CCDC141: variants seen among roughly 807,000 people sequenced by gnomAD.
The protein encoded by CCDC141 is coiled-coil domain-containing protein 141.
A neutral mutation model predicts 181.0 loss-of-function variants in CCDC141; 168 were observed. The observed-to-expected ratio is 0.93, with a 90% confidence interval of 0.82 to 1.05. The LOEUF is 1.05. CCDC141 is among the 50% of genes least tolerant of loss of function. The pLI, the probability that CCDC141 is intolerant of heterozygous loss-of-function variation, is 0.00. For synonymous variants in CCDC141, 666 were observed against 642.3 expected (o/e 1.04, Z -0.56); for missense variants, 1,902 against 1,788.5 (o/e 1.06, Z -1.14).
intron 2 of CCDC141, among the ~76,000 whole-genome samples, chr2:179,008,655 C>T (rs1049172857): frequency 5.9e-5 from 9 of 152,122 alleles, no homozygotes; most frequent in South Asian, 2.1e-4. Flanking sequence ...CATACAACCA[C>T]GTTTTGGAAG....
At chr2:178,959,153 G>C (rs1253010230) in intron 5 of CCDC141, among the ~76,000 whole-genome samples, 2 of 146,022 alleles carry the variant, frequency 1.4e-5, no homozygotes, top group African/African-American at 5.0e-5. Flanking sequence ...TGGGGTGGGG[G>C]AAGGGGGGAG....
At chr2:178,902,827 A>G (rs71423587) in intron 8 of CCDC141, among the ~76,000 whole-genome samples, 1 of 148,442 alleles carries the variant, frequency 6.7e-6, no homozygotes, top group Non-Finnish European at 1.5e-5. Flanking sequence ...GCAACCTACA[A>G]AATGGGAGAA....
intron 5 of CCDC141, among the ~76,000 whole-genome samples, chr2:178,955,359 T>C (rs1690116884): frequency 1.3e-5 from 2 of 152,108 alleles, no homozygotes; most frequent in African/African-American, 4.8e-5. Flanking sequence ...AGATAATTTG[T>C]GCTTATACAT....
rs1011202241 is a variant in CCDC141, at chr2:179,047,530, AT to A, written c.103-125del. 22 of 831,938 alleles carry A rather than the reference AT, an allele frequency of 2.6e-5. No homozygotes were observed. In the Admixed American group the frequency reaches 3.1e-4, roughly 12 times the overall value. The allele number at this position is 831,938 out of a possible 1,614,324, so 51.5% of individuals were successfully genotyped here. A position where few individuals can be genotyped will look rare whatever the true frequency, so the allele number is the denominator to read the frequency against. On this transcript the variant is annotated intron_variant, in intron 1 of 23. Transcript: ENST00000443758. ...CTGTAAACACTTTTTTCTATTTTCT[AT>A]TTTTTTCCATTCTTTCCATAGAGAT...
chr2:178,837,277 T>C lies in CCDC141; in HGVS notation c.3942A>G (p.Arg1314=), dbSNP rs746060763. 1 of 1,614,132 alleles carries C rather than the reference T, an allele frequency of 6.2e-7. No individual in the cohort carries two copies. Among genetic ancestry groups the C allele is most frequent in the Non-Finnish European group, 8.5e-7 (1 of 1,179,994 alleles). The stretch of plus-strand genomic sequence containing the variant: ...TGCTCTCTGGATGTTCAGCACTGAT[T>C]CTGTGTAAGGCAGTACTCTTTTCCA... ...GFVEKSTALH[R]ISAEHPESMM... Residue 1314 remains arginine, a synonymous_variant, in exon 23 of 24, where the codon AGA becomes AGG. Coordinates refer to ENST00000443758, the MANE Select transcript of CCDC141 (RefSeq NM_173648.4).
chr2:178,997,171 G>A (rs771573890), intron 2 of CCDC141, among the ~76,000 whole-genome samples: 11 of 152,136 alleles, frequency 7.2e-5, no homozygotes, highest in Admixed American at 2.0e-4. Context: ...TTGGGTCTCC[G>A]TGATACTTCT....
chr2:178,849,817 T>A (rs954881049), intron 21 of CCDC141, among the ~76,000 whole-genome samples: 3 of 152,226 alleles, frequency 2.0e-5, no homozygotes, highest in Admixed American at 2.0e-4. Flanking sequence ...ACCAGACACC[T>A]TAATTGTGTT....
intron 14 of CCDC141, among the ~76,000 whole-genome samples, chr2:178,870,814 T>C (rs543616473): frequency 1.3e-5 from 2 of 152,334 alleles, no homozygotes; most frequent in South Asian, 4.1e-4. Context: ...ATAATGTGAC[T>C]AGCAGGTGGC....
chr2:178,892,233 C>A (rs1687190540), intron 8 of CCDC141, among the ~76,000 whole-genome samples: 1 of 152,110 alleles, frequency 6.6e-6, no homozygotes, highest in Non-Finnish European at 1.5e-5. Flanking sequence ...TCAATACTTC[C>A]TTCTATTTAA....
intron 5 of CCDC141, among the ~76,000 whole-genome samples, chr2:178,952,606 G>T (rs183336342): frequency 9.2e-5 from 14 of 152,238 alleles, no homozygotes; most frequent in African/African-American, 3.1e-4. Context: ...GTTAGAAAAG[G>T]TTTCTTTTTC....
intron 6 of CCDC141, among the ~76,000 whole-genome samples, chr2:178,925,874 A>G (rs1335062982): frequency 6.6e-6 from 1 of 152,084 alleles, no homozygotes; most frequent in Non-Finnish European, 1.5e-5. Context: ...ATTGAGATCC[A>G]TTTCAGGATC....
At chr2:178,865,344 T>C (rs997879629) in intron 17 of CCDC141, among the ~76,000 whole-genome samples, 2 of 152,144 alleles carry the variant, frequency 1.3e-5, no homozygotes, top group African/African-American at 4.8e-5. Flanking sequence ...GACCCTTAAA[T>C]AGAATTTCAG....
At chr2:178,929,103 A>G (rs1689008206) in intron 6 of CCDC141, among the ~76,000 whole-genome samples, 1 of 152,180 alleles carries the variant, frequency 6.6e-6, no homozygotes, top group African/African-American at 2.4e-5. Flanking sequence ...TGGAGAACTC[A>G]TTTAATTTCT....
chr2:178,928,208 G>A (rs1234228323), intron 6 of CCDC141, among the ~76,000 whole-genome samples: 1 of 152,184 alleles, frequency 6.6e-6, no homozygotes. Context: ...CAGAAGGCAG[G>A]GAGGTTGTGA....
chr2:178,876,686 T>C (rs531024536), intron 12 of CCDC141: 7 of 152,342 alleles, frequency 4.6e-5, no homozygotes, highest in Admixed American at 3.3e-4. Context: ...TAGGCATTTA[T>C]ATTTAAGAAC....
intron 5 of CCDC141, among the ~76,000 whole-genome samples, chr2:178,948,545 C>G (rs1288950206): frequency 6.6e-6 from 1 of 152,130 alleles, no homozygotes; most frequent in Non-Finnish European, 1.5e-5. Context: ...GGAATGTTGG[C>G]TGCTACAGTT....
In CCDC141 at chr2:178,884,937, C is replaced by T. The variant is rs927852845; in HGVS notation, c.1683G>A (p.Leu561=). 3.7e-5 allele frequency: 58 copies of T among 1,550,172 alleles called. No homozygotes were observed. The highest frequency in any genetic ancestry group is 4.6e-5 in the Non-Finnish European group (53 of 1,146,772). Residue 561 remains leucine, a synonymous_variant, in exon 11 of 24, where the codon CTG becomes CTA. Transcript: ENST00000443758. ...GQSIDYRSQV[L]QTYVAFLKSS... Reference sequence around the variant, plus strand: ...ACTTCAGAAATGCCACGTAAGTTTGCAGGACTTGCGATCTATAGTCAATGC... The same window carrying T: ...ACTTCAGAAATGCCACGTAAGTTTGTAGGACTTGCGATCTATAGTCAATGC...
At chr2:178,923,096 A>ATTT (rs757686549) in intron 6 of CCDC141, among the ~76,000 whole-genome samples, 2 of 137,812 alleles carry the variant, frequency 1.5e-5, no homozygotes, top group African/African-American at 2.7e-5. Flanking sequence ...CCACCAGTTT[A>ATTT]TTTTTTTTTT....
intron 17 of CCDC141, among the ~76,000 whole-genome samples, chr2:178,863,697 C>T (rs572973871): frequency 1.3e-5 from 2 of 152,084 alleles, no homozygotes; most frequent in Admixed American, 1.3e-4. Flanking sequence ...ACTACATGTC[C>T]ACAAAAAAGG....
Sources: allele counts gnomAD v4.1 joint callset (sites outside exome capture counted in the v4.1 genomes callset), GRCh38; gene constraint gnomAD v4.1.1; transcripts MANE v1.5; gene names NCBI Gene and HGNC (gene_info 2026-07-23, HGNC 2026-07-21).